TARS3: variants seen among roughly 807,000 people sequenced by gnomAD.
TARS3 encodes threonine--tRNA ligase 2, cytoplasmic.
TARS3 carries 94 observed loss-of-function variants against 103.5 expected under a neutral mutation model. That is an observed-to-expected ratio of 0.91 (90% CI 0.77 to 1.08). The LOEUF (loss-of-function observed/expected upper bound fraction) is 1.08. Ranked by LOEUF, TARS3 falls within the 50% of genes least tolerant of loss-of-function variation. TARS3 has a pLI of 0.00. For missense variants in TARS3, 952 were observed against 995.2 expected, an observed-to-expected ratio of 0.96 and a Z score of 0.58; for synonymous variants, 416 against 355.4, an observed-to-expected ratio of 1.17 and a Z score of -1.92.
chr15:101,671,972 G>T (rs1249931854), intron 13 of TARS3, among the ~76,000 whole-genome samples: 1 of 152,168 alleles, frequency 6.6e-6, no homozygotes, highest in East Asian at 1.9e-4. Context: ...GGGGAGAAAA[G>T]ATCATTTATA....
At chr15:101,722,533 G>A (rs1464330001) in intron 2 of TARS3, among the ~76,000 whole-genome samples, 3 of 147,490 alleles carry the variant, frequency 2.0e-5, no homozygotes, top group African/African-American at 7.5e-5. Context: ...AAGACCGGGG[G>A]CGGTGGCTCA....
At chr15:101,680,241 C>T (rs72761651) in intron 12 of TARS3, among the ~76,000 whole-genome samples, 7,254 of 152,280 alleles carry the variant, frequency 0.048, 265 homozygotes, top group Non-Finnish European at 0.072. Flanking sequence ...CCTTAGCTGG[C>T]ATATAAAGGG....
In TARS3 at chr15:101,684,505, G is replaced by C. The variant is rs533043640; in HGVS notation, c.1488-268C>G. Among the ~76,000 whole-genome samples the C allele has an allele frequency of 2.6e-5, 4 of 152,302 alleles. No homozygotes were observed. In the South Asian group the frequency reaches 8.3e-4, roughly 32 times the overall value. On this transcript the variant is annotated intron_variant, in intron 11 of 18. Transcript: ENST00000335968. ...TCCACACAGTGAATCACCATTTACT[G>C]TTTATGATTCATTTCAAAGGCTACT...
At chr15:101,663,781 T>C (rs1421825429) in intron 15 of TARS3, among the ~76,000 whole-genome samples, 5 of 152,244 alleles carry the variant, frequency 3.3e-5, no homozygotes, top group Non-Finnish European at 5.9e-5. Flanking sequence ...CATGTATTTG[T>C]AATCCCAGAA....
At chr15:101,669,424 A>C (rs745534466) in intron 15 of TARS3, among the ~76,000 whole-genome samples, 4 of 152,222 alleles carry the variant, frequency 2.6e-5, no homozygotes, top group African/African-American at 4.8e-5. Context: ...TGAAGAAAAA[A>C]ATTATTTAAA....
At chr15:101,711,037 G>A (rs1190098661) in intron 5 of TARS3, among the ~76,000 whole-genome samples, 1 of 152,188 alleles carries the variant, frequency 6.6e-6, no homozygotes, top group Non-Finnish European at 1.5e-5. Context: ...TATGGAATGT[G>A]AAGCATCTGT....
At chr15:101,667,502 T>A (rs896538784) in intron 15 of TARS3, among the ~76,000 whole-genome samples, 14 of 152,208 alleles carry the variant, frequency 9.2e-5, no homozygotes, top group Admixed American at 7.9e-4. Context: ...CTTAGCTAGA[T>A]CTTCTGGATA....
At chr15:101,721,101 A>G (rs773208407) in intron 3 of TARS3, 25 bp downstream of exon 3, 4 of 1,567,824 alleles carry the variant, frequency 2.6e-6, no homozygotes, top group East Asian at 2.3e-5. Flanking sequence ...TTAAGATTGA[A>G]TATCTTTTCC....
chr15:101,698,063 G>A (rs528761905), intron 10 of TARS3, among the ~76,000 whole-genome samples: 6 of 152,330 alleles, frequency 3.9e-5, no homozygotes, highest in South Asian at 2.1e-4. Flanking sequence ...CAGGCCGGGC[G>A]CGGTGACTCA....
At chr15:101,708,014 G>C (rs149693238) in intron 6 of TARS3, among the ~76,000 whole-genome samples, 13 of 152,094 alleles carry the variant, frequency 8.5e-5, no homozygotes, top group African/African-American at 2.2e-4. Flanking sequence ...GAGGCTGAGG[G>C]GGGTAGATCA....
chr15:101,656,600 T>C (rs1897205440), intron 18 of TARS3, among the ~76,000 whole-genome samples: 1 of 152,228 alleles, frequency 6.6e-6, no homozygotes, highest in Admixed American at 6.5e-5. Flanking sequence ...ATTACAGGCC[T>C]GTGAGGCTGA....
chr15:101,706,556 G>C (rs1186828911), intron 6 of TARS3, among the ~76,000 whole-genome samples: 1 of 152,166 alleles, frequency 6.6e-6, no homozygotes, highest in Non-Finnish European at 1.5e-5. Context: ...GGACAGTACT[G>C]TTCTAGAAGA....
At chr15:101,685,338 C>G (rs1001787936) in intron 11 of TARS3, among the ~76,000 whole-genome samples, 5 of 152,114 alleles carry the variant, frequency 3.3e-5, no homozygotes, top group African/African-American at 1.2e-4. Context: ...GAATCAAAGA[C>G]AGCATTGATT....
At chr15:101,710,564 G>C (rs1273418562) in intron 5 of TARS3, among the ~76,000 whole-genome samples, 1 of 152,164 alleles carries the variant, frequency 6.6e-6, no homozygotes, top group Admixed American at 6.5e-5. Context: ...GGTGTCCAGA[G>C]AGTTGGAGCA....
chr15:101,681,319 G>A lies in TARS3; in HGVS notation c.1650+2756C>T, dbSNP rs142957444. 1.6e-3 allele frequency among the ~76,000 whole-genome samples: 240 copies of A among 152,272 alleles called. 3 individuals carry two copies. The highest frequency in any genetic ancestry group is 5.4e-3 in the African/African-American group (226 of 41,554). ...CAACTCTTACAGGGAAAAAAGGTCTGCTTGGGTATTGACTGGGATTGTACT... is the reference window on the plus strand; with the variant it reads ...CAACTCTTACAGGGAAAAAAGGTCTACTTGGGTATTGACTGGGATTGTACT... On this transcript the variant is annotated intron_variant, in intron 12 of 18. Transcript: ENST00000335968.
At chr15:101,679,096 T>G (rs1391408669) in intron 12 of TARS3, among the ~76,000 whole-genome samples, 1 of 152,220 alleles carries the variant, frequency 6.6e-6, no homozygotes, top group East Asian at 1.9e-4. Flanking sequence ...TCTTTAGTTT[T>G]CAGTTTACTA....
chr15:101,680,676 A>ATATTTGTT (rs1281334993), intron 12 of TARS3, among the ~76,000 whole-genome samples: 1 of 152,146 alleles, frequency 6.6e-6, no homozygotes, highest in Non-Finnish European at 1.5e-5. Context: ...TGAGGTTTGA[A>ATATTTGTT]TATTTGTTAA....
chr15:101,719,736 C>T (rs547521805), intron 3 of TARS3, among the ~76,000 whole-genome samples: 2 of 152,326 alleles, frequency 1.3e-5, no homozygotes, highest in East Asian at 3.9e-4. Context: ...GCTTCCACCG[C>T]TAGACACAAA....
intron 18 of TARS3, chr15:101,656,057 A>G: frequency 7.8e-7 from 1 of 1,289,026 alleles, no homozygotes; most frequent in Non-Finnish European, 1.0e-6. Flanking sequence ...ATTCAAGAGA[A>G]GCATAAAGAA....
Sources: allele counts gnomAD v4.1 joint callset (sites outside exome capture counted in the v4.1 genomes callset), GRCh38; gene constraint gnomAD v4.1.1; transcripts MANE v1.5; gene names NCBI Gene and HGNC (gene_info 2026-07-23, HGNC 2026-07-21).